ABCA13: variants seen among roughly 807,000 people sequenced by gnomAD.
ABCA13 encodes the protein ATP-binding cassette sub-family A member 13.
In ABCA13, 476 loss-of-function variants were observed where a neutral mutation model predicts 478.7. That is an observed-to-expected ratio of 0.99 (90% CI 0.92 to 1.07). ABCA13 has a LOEUF of 1.07. ABCA13 is among the 50% of genes least tolerant of loss of function. The probability of loss-of-function intolerance (pLI) is 0.00; values close to 1 mark genes in which losing one functional copy is unlikely to be tolerated. For missense variants in ABCA13, 6,060 were observed against 5,910.6 expected (o/e 1.03, Z -0.83); for synonymous variants, 2,252 against 2,158.9 (o/e 1.04, Z -1.20).
chr7:48,203,283 C>T (rs1450221932), intron 3 of ABCA13, among the ~76,000 whole-genome samples: 6 of 152,202 alleles, frequency 3.9e-5, no homozygotes, highest in African/African-American at 9.6e-5. Context: ...CCCCGGTTCC[C>T]GCTCGCGCCT....
At position 48,507,800 on chromosome 7, in the gene ABCA13, GC is replaced by G. The variant is rs906062062; in HGVS notation, c.13347-71del. 1.1e-5 allele frequency: 16 copies of G among 1,469,916 alleles called. No homozygotes were observed. The African/African-American group carries it at 2.0e-4, about 18-fold the overall frequency. 91.1% of individuals were successfully genotyped at this position (1,469,916 alleles called of 1,614,324 possible). ...AGCAGTTTTCACTGCTGTCATCATT[GC>G]TGATTGTTATTAGCAAAGAAGGCTT... is the stretch of plus-strand genomic sequence containing the variant. On this transcript the variant is annotated intron_variant, in intron 49 of 61. Coordinates refer to ENST00000435803, the MANE Select transcript of ABCA13 (RefSeq NM_152701.5).
At chr7:48,212,767 A>G (rs1785866390) in intron 3 of ABCA13, among the ~76,000 whole-genome samples, 1 of 152,056 alleles carries the variant, frequency 6.6e-6, no homozygotes, top group South Asian at 2.1e-4. Flanking sequence ...ATTTTATGCA[A>G]TTGATTTTTT....
intron 23 of ABCA13, among the ~76,000 whole-genome samples, chr7:48,302,373 T>C (rs2128858643): frequency 6.6e-6 from 1 of 152,302 alleles, no homozygotes; most frequent in East Asian, 1.9e-4. Flanking sequence ...GGCTTAGGGG[T>C]GCATATGCTG....
intron 23 of ABCA13, among the ~76,000 whole-genome samples, chr7:48,307,405 T>C (rs1203134181): frequency 6.6e-6 from 1 of 152,150 alleles, no homozygotes; most frequent in East Asian, 1.9e-4. Context: ...ATACCTGTTC[T>C]AAACATAGAA....
chr7:48,441,661 T>C lies in ABCA13; in HGVS notation c.12566-13376T>C, dbSNP rs11977262. Among the ~76,000 whole-genome samples, 675 of 152,310 alleles carry C rather than the reference T, an allele frequency of 4.4e-3. 5 individuals are homozygous for C. The highest frequency in any genetic ancestry group is 0.015 in the African/African-American group (635 of 41,568). Reference sequence around the variant, plus strand: ...CACTTCTTCATGGAGAAAGAAACTATTTATTAGCTGCCTGAAGTGGATCGG... The same window carrying C: ...CACTTCTTCATGGAGAAAGAAACTACTTATTAGCTGCCTGAAGTGGATCGG... On this transcript the variant is annotated intron_variant, in intron 42 of 61. Transcript: ENST00000435803.
At chr7:48,505,182 C>T (rs866687082) in intron 48 of ABCA13, among the ~76,000 whole-genome samples, 6 of 152,052 alleles carry the variant, frequency 3.9e-5, no homozygotes, top group Middle Eastern at 3.4e-3. Flanking sequence ...TTTTATGAGC[C>T]GGAACTTGCC....
At chr7:48,370,399 G>A (rs1314519674) in intron 32 of ABCA13, among the ~76,000 whole-genome samples, 1 of 152,066 alleles carries the variant, frequency 6.6e-6, no homozygotes, top group African/African-American at 2.4e-5. Context: ...TATCTTGTTT[G>A]ATTGCTCTGA....
Position 48,241,061 on chromosome 7 carries a change from A to C in ABCA13, c.1257A>C (p.Pro419=). 6.2e-7 allele frequency: 1 copy of C among 1,613,984 alleles called. No homozygotes were observed. The highest frequency in any genetic ancestry group is 2.2e-5 in the East Asian group (1 of 44,890). Residue 419 remains proline (P), a synonymous_variant, in exon 10 of 62, where the codon CCA becomes CCC. Transcript: ENST00000435803. ...GCCCAAAAGATAATCATACATTTCC[A>C]AAGATGTAAGTCGCATTTCCCTGTT... The part of the protein sequence containing the change: ...ADGPKDNHTF[P]KILQHLWKLQ...
intron 59 of ABCA13, among the ~76,000 whole-genome samples, chr7:48,622,971 C>T (rs1016177555): frequency 5.9e-5 from 9 of 152,136 alleles, no homozygotes; most frequent in Non-Finnish European, 8.8e-5. Context: ...TCATGATTGT[C>T]CACATTTAAC....
chr7:48,307,342 C>T (rs948469945), intron 23 of ABCA13, among the ~76,000 whole-genome samples: 32 of 151,962 alleles, frequency 2.1e-4, no homozygotes, highest in Admixed American at 2.1e-3. Context: ...ATTGTAACAT[C>T]GTGGTAAGTA....
intron 38 of ABCA13, among the ~76,000 whole-genome samples, chr7:48,395,276 G>T (rs533949328): frequency 1.3e-5 from 2 of 152,156 alleles, no homozygotes; most frequent in African/African-American, 4.8e-5. Flanking sequence ...AGCCCAAGTC[G>T]CAGGGAGAGC....
intron 38 of ABCA13, 97 bp from the exon 39 acceptor site, chr7:48,403,586 C>A: frequency 6.4e-6 from 8 of 1,241,698 alleles, no homozygotes; most frequent in Non-Finnish European, 9.1e-6. Context: ...TGGTTTATAA[C>A]GATTTCAGCC....
In ABCA13 at chr7:48,408,227, C is replaced by T. The variant is rs558734796; in HGVS notation, c.12071-2293C>T. 6.7e-4 allele frequency among the ~76,000 whole-genome samples: 102 copies of T among 152,328 alleles called. 1 individual carries two copies. Among genetic ancestry groups the T allele is most frequent in the Non-Finnish European group, 1.1e-3 (76 of 68,026 alleles). ...GTATCCCTTAACTAACATCTCCCTCCTTCTCCTCCCTCCCTGCTCCCTGCC... is the reference window on the plus strand; with the variant it reads ...GTATCCCTTAACTAACATCTCCCTCTTTCTCCTCCCTCCCTGCTCCCTGCC... On this transcript the variant is annotated intron_variant, in intron 39 of 61. Coordinates refer to ENST00000435803, the MANE Select transcript of ABCA13 (RefSeq NM_152701.5).
intron 58 of ABCA13, among the ~76,000 whole-genome samples, chr7:48,599,353 C>T (rs1371534813): frequency 7.3e-5 from 11 of 151,206 alleles, no homozygotes; most frequent in Non-Finnish European, 1.2e-4. Flanking sequence ...TTTTTAATGG[C>T]CTACCAGAGG....
chr7:48,568,601 T>C (rs2131306890), intron 55 of ABCA13, among the ~76,000 whole-genome samples: 1 of 152,180 alleles, frequency 6.6e-6, no homozygotes, highest in East Asian at 1.9e-4. Context: ...AGTTGTGGTA[T>C]CAGGGTGATA....
chr7:48,494,560 AC>A (rs1830111879), intron 48 of ABCA13, among the ~76,000 whole-genome samples: 1 of 152,160 alleles, frequency 6.6e-6, no homozygotes, highest in African/African-American at 2.4e-5. Context: ...GGAGTAAGAA[AC>A]AAAAGGACAG....
At chr7:48,311,789 A>C (rs111351069) in intron 24 of ABCA13, among the ~76,000 whole-genome samples, 3,388 of 152,306 alleles carry the variant, frequency 0.022, 69 homozygotes, top group Middle Eastern at 0.054. Context: ...CCTCCATGTG[A>C]GGGCCACGTG....
chr7:48,333,056 C>A (rs1462820165), intron 27 of ABCA13, among the ~76,000 whole-genome samples: 1 of 152,196 alleles, frequency 6.6e-6, no homozygotes, highest in Admixed American at 6.5e-5. Context: ...TCCTCTCTTT[C>A]AGAGACTCTA....
intron 3 of ABCA13, among the ~76,000 whole-genome samples, chr7:48,202,051 C>T (rs1398053349): frequency 6.6e-6 from 1 of 152,142 alleles, no homozygotes; most frequent in Non-Finnish European, 1.5e-5. Context: ...AGGAGTGAAG[C>T]CGCAGACCTT....
Sources: allele counts gnomAD v4.1 joint callset (sites outside exome capture counted in the v4.1 genomes callset), GRCh38; gene constraint gnomAD v4.1.1; transcripts MANE v1.5; gene names NCBI Gene and HGNC (gene_info 2026-07-23, HGNC 2026-07-21).